Variants in PKHD1 observed in about 807,000 individuals in gnomAD.
The protein encoded by PKHD1 is fibrocystin.
PKHD1 carries 291 observed loss-of-function variants against 412.0 expected under a neutral mutation model. The observed-to-expected ratio is 0.71, with a 90% confidence interval of 0.64 to 0.78. The LOEUF is 0.78. Ranked by LOEUF, PKHD1 falls within the 30% of genes least tolerant of loss-of-function variation. The pLI is 0.00. For missense variants in PKHD1, 4,825 were observed against 4,950.7 expected (o/e 0.97, Z 0.76); for synonymous variants, 1,777 against 1,821.5 (o/e 0.98, Z 0.62).
chr6:51,619,526 G>C lies in PKHD1; in HGVS notation c.11786-6C>G. The C allele has an allele frequency of 6.2e-7, 1 of 1,612,224 alleles. No homozygotes were observed. Among genetic ancestry groups the C allele is most frequent in the Non-Finnish European group, 8.5e-7 (1 of 1,178,306 alleles). ...CATGACCTTCATTCTCATATCTGGG[G>C]GGAAAAGAAATAGGGGAAGAAATGG... On this transcript the variant is annotated splice_polypyrimidine_tract_variant and splice_region_variant and intron_variant, in intron 66 of 66. Coordinates refer to ENST00000371117, the MANE Select transcript of PKHD1 (RefSeq NM_138694.4).
intron 52 of PKHD1, among the ~76,000 whole-genome samples, chr6:51,816,449 G>C (rs1354406140): frequency 6.6e-6 from 1 of 152,210 alleles, no homozygotes; most frequent in Non-Finnish European, 1.5e-5. Flanking sequence ...TAACACACCT[G>C]TGGTGGGCTT....
intron 1 of PKHD1, among the ~76,000 whole-genome samples, chr6:52,085,358 G>A: frequency 6.6e-6 from 1 of 152,188 alleles, no homozygotes; most frequent in Non-Finnish European, 1.5e-5. Context: ...GCTTTGCCCT[G>A]TGCTGGCGTC....
At chr6:51,906,907 C>T (rs771959421) in intron 40 of PKHD1, among the ~76,000 whole-genome samples, 16 of 152,050 alleles carry the variant, frequency 1.1e-4, no homozygotes, top group East Asian at 5.8e-4. Context: ...TCCTCTACTA[C>T]GCTAAAAAAT....
intron 26 of PKHD1, 128 bp downstream of exon 26, chr6:52,043,497 C>T (rs779720298): frequency 4.2e-5 from 31 of 733,232 alleles, no homozygotes; most frequent in Middle Eastern, 2.6e-4. Flanking sequence ...CTTTCTGCTA[C>T]GTCACTCAAC....
chr6:51,791,517 G>A, intron 52 of PKHD1, 144 bp from the exon 53 acceptor site: 1 of 737,134 alleles, frequency 1.4e-6, no homozygotes. Flanking sequence ...CAAATAGTCT[G>A]CCAAAAGCTA....
intron 36 of PKHD1, among the ~76,000 whole-genome samples, chr6:51,947,634 T>C (rs563146643): frequency 2.1e-4 from 32 of 152,260 alleles, no homozygotes; most frequent in African/African-American, 7.2e-4. Context: ...TTCTGCCTGA[T>C]TCCTCCTGAT....
chr6:52,071,146 G>T, intron 8 of PKHD1, 76 bp from the exon 9 acceptor site: 1 of 1,089,524 alleles, frequency 9.2e-7, no homozygotes. Flanking sequence ...AACCAGGAAA[G>T]TAGAAAGCAA....
At chr6:51,685,571 T>C (rs901437409) in intron 60 of PKHD1, among the ~76,000 whole-genome samples, 10 of 152,180 alleles carry the variant, frequency 6.6e-5, no homozygotes, top group African/African-American at 1.4e-4. Flanking sequence ...CCAGTGTTTC[T>C]GAGATTGGTC....
intron 53 of PKHD1, among the ~76,000 whole-genome samples, chr6:51,779,902 C>A (rs1205501591): frequency 6.6e-6 from 1 of 151,874 alleles, no homozygotes; most frequent in Admixed American, 6.6e-5. Flanking sequence ...TTCTTTTAAA[C>A]CTTGCACAAG....
intron 48 of PKHD1, among the ~76,000 whole-genome samples, chr6:51,857,559 AAATGGAGG>A (rs1173414396): frequency 1.3e-5 from 2 of 152,204 alleles, no homozygotes; most frequent in Non-Finnish European, 2.9e-5. Flanking sequence ...TTTCTTTTTA[AAATGGAGG>A]CAACAATAGA....
At chr6:51,800,395 C>CA (rs1400218536) in intron 52 of PKHD1, among the ~76,000 whole-genome samples, 1 of 151,988 alleles carries the variant, frequency 6.6e-6, no homozygotes, top group Non-Finnish European at 1.5e-5. Flanking sequence ...ACAACAACAA[C>CA]AAAAAAGACT....
chr6:51,619,517 A>T lies in PKHD1; in HGVS notation c.11789T>A (p.Met3930Lys), dbSNP rs148691090. The T allele has an allele frequency of 1.2e-5, 20 of 1,612,392 alleles. No homozygotes were observed. Among genetic ancestry groups the T allele is most frequent in the Non-Finnish European group, 1.6e-5 (19 of 1,178,432 alleles). Reference sequence around the variant, plus strand: ...CTTGCCCAGCATGACCTTCATTCTCATATCTGGGGGGAAAAGAAATAGGGG... The same window carrying T: ...CTTGCCCAGCATGACCTTCATTCTCTTATCTGGGGGGAAAAGAAATAGGGG... ...KKEDTVVGED[M>K]RMKVMLGKVN... Residue 3930 changes from methionine to lysine, a missense_variant, in exon 67 of 67, where the codon ATG (methionine) becomes AAG (lysine). By Grantham distance (95) the Met-to-Lys change is moderately conservative (BLOSUM62 -1). Transcript: ENST00000371117.
rs116381365 is a variant in PKHD1, at chr6:52,060,080, A to C, written c.1119-38T>G. The stretch of plus-strand genomic sequence containing the variant: ...ACATAGAGTCAAGCAAGAGTAACCA[A>C]GGCCTGAATCACTGAACCAACAAAT... On this transcript the variant is annotated intron_variant, in intron 14 of 66. Coordinates refer to ENST00000371117, the MANE Select transcript of PKHD1 (RefSeq NM_138694.4). 446 of 1,157,228 alleles carry C rather than the reference A, an allele frequency of 3.9e-4. 1 individual carries two copies. In the African/African-American group the frequency reaches 4.3e-3, roughly 11 times the overall value. 71.7% of individuals were successfully genotyped at this position (1,157,228 alleles called of 1,614,324 possible). A position where few individuals can be genotyped will look rare whatever the true frequency, so the allele number is the denominator to read the frequency against.
At chr6:52,054,554 C>G (rs952501193) in intron 19 of PKHD1, among the ~76,000 whole-genome samples, 4 of 152,190 alleles carry the variant, frequency 2.6e-5, no homozygotes, top group Non-Finnish European at 4.4e-5. Context: ...AGTTCCTCAA[C>G]TCTAACTCCC....
chr6:51,627,742 G>T (rs374262123), intron 65 of PKHD1, among the ~76,000 whole-genome samples: 1 of 152,120 alleles, frequency 6.6e-6, no homozygotes, highest in South Asian at 2.1e-4. Flanking sequence ...AATTGAGACC[G>T]GTACAAGCCA....
intron 55 of PKHD1, among the ~76,000 whole-genome samples, chr6:51,767,632 C>A (rs186278054): frequency 3.3e-5 from 5 of 152,236 alleles, no homozygotes; most frequent in Admixed American, 2.6e-4. Context: ...CATGTCCCTA[C>A]AAAGGACATG....
intron 66 of PKHD1, chr6:51,622,250 A>T (rs1265769801): frequency 6.6e-6 from 1 of 152,180 alleles, no homozygotes; most frequent in Non-Finnish European, 1.5e-5. Flanking sequence ...TGACTTTTAA[A>T]ATTTGTGTGG....
intron 35 of PKHD1, among the ~76,000 whole-genome samples, chr6:52,007,599 T>C (rs1461377304): frequency 6.6e-6 from 1 of 152,214 alleles, no homozygotes; most frequent in Non-Finnish European, 1.5e-5. Flanking sequence ...GGTGACATAC[T>C]ATCCCAGCAT....
intron 52 of PKHD1, among the ~76,000 whole-genome samples, chr6:51,806,173 T>C (rs967813729): frequency 4.6e-5 from 7 of 151,894 alleles, no homozygotes; most frequent in African/African-American, 1.5e-4. Flanking sequence ...TGTATACATA[T>C]GTAACTAACC....
Sources: gnomAD v4.1 joint callset for allele counts (sites outside exome capture counted in the v4.1 genomes callset) on GRCh38, gnomAD v4.1.1 for gene constraint, MANE v1.5 for transcripts, NCBI Gene and HGNC (gene_info 2026-07-23, HGNC 2026-07-21) for gene names.